The following CNTN5 variants were observed in gnomAD, a reference collection of about 807,000 sequenced individuals.
CNTN5 encodes the protein contactin 5, also known as contactin-5.
In CNTN5, 77 loss-of-function variants were observed where a neutral mutation model predicts 129.1. The ratio of observed to expected loss-of-function variants is 0.60; its 90% confidence interval spans 0.50 to 0.72. The LOEUF (loss-of-function observed/expected upper bound fraction) is 0.72, where lower values mean the gene tolerates loss of function less well. Among genes scored for constraint, CNTN5 ranks in the 30% least tolerant of loss-of-function variants. The probability of loss-of-function intolerance (pLI) is 0.00; values close to 1 mark genes in which losing one functional copy is unlikely to be tolerated. For missense variants in CNTN5, 1,478 were observed against 1,328.8 expected (o/e 1.11, Z -1.75); for synonymous variants, 509 against 465.6 (o/e 1.09, Z -1.20).
In CNTN5 at chr11:99,956,818, G is replaced by A. The variant is rs572094429; in HGVS notation, c.686G>A (p.Ser229Asn). 46 of 1,613,792 alleles carry A rather than the reference G, an allele frequency of 2.9e-5. No homozygotes were observed. The East Asian group carries it at 8.7e-4, about 30-fold the overall frequency. ...TGTGTATTTTCAGAGATCATCTATAGCTGGGTATTTAATGAGTTCCCTTCC... is the reference window on the plus strand; with the variant it reads ...TGTGTATTTTCAGAGATCATCTATAACTGGGTATTTAATGAGTTCCCTTCC... ...PPPHSPEIIYSWVFNEFPSFV... is the reference protein window; with the variant it reads ...PPPHSPEIIYNWVFNEFPSFV... Residue 229 changes from serine to asparagine, a missense_variant, in exon 8 of 25, where the codon AGC becomes AAC. By Grantham distance (46) the Ser-to-Asn change is conservative (BLOSUM62 1). Coordinates refer to ENST00000524871, the MANE Select transcript of CNTN5 (RefSeq NM_014361.4).
intron 8 of CNTN5, among the ~76,000 whole-genome samples, chr11:99,990,994 C>G (rs11222247): frequency 0.069 from 10,543 of 152,192 alleles, 763 homozygotes; most frequent in East Asian, 0.31. Context: ...CTATGCATCA[C>G]AGGTAGATAT....
chr11:99,037,895 C>A (rs187239641), intron 1 of CNTN5, among the ~76,000 whole-genome samples: 1 of 151,998 alleles, frequency 6.6e-6, no homozygotes. Flanking sequence ...CTTTTCCTAT[C>A]AGGAGATTGC....
At chr11:99,601,247 T>C (rs1211840378) in intron 3 of CNTN5, among the ~76,000 whole-genome samples, 1 of 152,208 alleles carries the variant, frequency 6.6e-6, no homozygotes, top group Admixed American at 6.5e-5. Flanking sequence ...GCTTCTTACA[T>C]TTTCTACTTT....
At chr11:99,193,791 A>G (rs1229428490) in intron 1 of CNTN5, among the ~76,000 whole-genome samples, 1 of 152,194 alleles carries the variant, frequency 6.6e-6, no homozygotes, top group Non-Finnish European at 1.5e-5. Flanking sequence ...ATTAGAATCT[A>G]TGGCATCAAA....
chr11:99,893,042 G>T (rs556271481), intron 6 of CNTN5, among the ~76,000 whole-genome samples: 20 of 152,224 alleles, frequency 1.3e-4, no homozygotes, highest in African/African-American at 4.6e-4. Context: ...AATCTTTTCA[G>T]CTGGGAGTCT....
intron 6 of CNTN5, among the ~76,000 whole-genome samples, chr11:99,896,094 C>G (rs796755062): frequency 1.3e-5 from 2 of 152,114 alleles, no homozygotes; most frequent in Admixed American, 1.3e-4. Context: ...ACTATCACTG[C>G]TGCCTTCACT....
intron 1 of CNTN5, among the ~76,000 whole-genome samples, chr11:99,314,586 G>A (rs1370356668): frequency 2.0e-5 from 3 of 151,950 alleles, no homozygotes; most frequent in African/African-American, 4.8e-5. Flanking sequence ...TGAAACCACC[G>A]GATTGAAAGG....
intron 16 of CNTN5, among the ~76,000 whole-genome samples, chr11:100,247,714 G>A (rs962477245): frequency 5.9e-5 from 9 of 152,074 alleles, no homozygotes; most frequent in African/African-American, 2.2e-4. Flanking sequence ...TATTATAAAG[G>A]TGAATACATC....
chr11:99,143,130 AATC>A lies in CNTN5; in HGVS notation c.-210+121863_-210+121865del, dbSNP rs1486045647. Among the ~76,000 whole-genome samples the A allele has an allele frequency of 2.6e-5, 4 of 152,152 alleles. No individual in the cohort carries two copies. In the East Asian group the frequency reaches 7.8e-4, roughly 30 times the overall value. ...ACTTGGCCATATTGGCTATTTCTGTAATCATATCTTATCCGATGACATTAAGGC... is the reference window on the plus strand; with the variant it reads ...ACTTGGCCATATTGGCTATTTCTGTAATATCTTATCCGATGACATTAAGGC... On this transcript the variant is annotated intron_variant, in intron 1 of 24. Transcript: ENST00000524871.
rs1952557492 is a variant in CNTN5, at chr11:100,357,736, G to A, written c.*1516G>A. 6.6e-6 allele frequency: 1 copy of A among 151,616 alleles called. No homozygotes were observed. 9.4% of individuals were successfully genotyped at this position (151,616 alleles called of 1,614,324 possible). A position where few individuals can be genotyped will look rare whatever the true frequency, so the allele number is the denominator to read the frequency against. On this transcript the variant is annotated 3_prime_UTR_variant, in exon 25 of 25. Transcript: ENST00000524871. ...ATAACAAGCAAAATGAAACAATATG[G>A]AGCTCAAATTGCTAGCTCTCAAGGT...
At chr11:100,109,003 A>G (rs1232879985) in intron 13 of CNTN5, among the ~76,000 whole-genome samples, 3 of 152,160 alleles carry the variant, frequency 2.0e-5, no homozygotes, top group Non-Finnish European at 4.4e-5. Flanking sequence ...ATGATACTTC[A>G]ACACCCTTGA....
chr11:99,589,559 T>C (rs1949912667), intron 3 of CNTN5, among the ~76,000 whole-genome samples: 1 of 152,196 alleles, frequency 6.6e-6, no homozygotes, highest in East Asian at 1.9e-4. Context: ...GAATATGTTT[T>C]CTATAGTGAA....
chr11:99,635,705 T>C (rs676553), intron 3 of CNTN5, among the ~76,000 whole-genome samples: 91,554 of 151,840 alleles, frequency 0.6, 28,439 homozygotes, highest in Admixed American at 0.69. Context: ...GTCCTTTAAA[T>C]GACAGCATCC....
chr11:99,101,349 A>G (rs1161620172), intron 1 of CNTN5, among the ~76,000 whole-genome samples: 1 of 152,158 alleles, frequency 6.6e-6, no homozygotes, highest in Non-Finnish European at 1.5e-5. Context: ...TCATGTCCTC[A>G]TATTTCAAAA....
At chr11:100,061,173 T>G in intron 9 of CNTN5, 39 bp from the exon 10 acceptor site, 8 of 1,497,952 alleles carry the variant, frequency 5.3e-6, no homozygotes, top group African/African-American at 1.4e-5. Context: ...TTCCTAACAG[T>G]GGAGAGTGTA....
chr11:99,423,073 G>C (rs56002109), intron 2 of CNTN5, among the ~76,000 whole-genome samples: 14,253 of 152,190 alleles, frequency 0.094, 748 homozygotes, highest in South Asian at 0.15. Flanking sequence ...ACGGCAGAGA[G>C]AGAAATCCCA....
intron 3 of CNTN5, among the ~76,000 whole-genome samples, chr11:99,622,155 C>G (rs1289804676): frequency 6.6e-6 from 1 of 152,150 alleles, no homozygotes; most frequent in Non-Finnish European, 1.5e-5. Flanking sequence ...ATTTACATAA[C>G]TTTTTCATTC....
intron 6 of CNTN5, among the ~76,000 whole-genome samples, chr11:99,852,074 A>T (rs1378449320): frequency 2.0e-5 from 3 of 152,230 alleles, no homozygotes; most frequent in Non-Finnish European, 4.4e-5. Flanking sequence ...ATTGACATGG[A>T]TGAATTTACT....
At chr11:99,657,945 A>G (rs1186557767) in intron 3 of CNTN5, among the ~76,000 whole-genome samples, 1 of 152,152 alleles carries the variant, frequency 6.6e-6, no homozygotes. Flanking sequence ...GGCCCACTCT[A>G]ATGGATACTA....
Sources: gnomAD v4.1 joint callset for allele counts (sites outside exome capture counted in the v4.1 genomes callset) on GRCh38, gnomAD v4.1.1 for gene constraint, MANE v1.5 for transcripts, NCBI Gene and HGNC (gene_info 2026-07-23, HGNC 2026-07-21) for gene names.